OTOP1: variants seen among roughly 807,000 people sequenced by gnomAD.
OTOP1 encodes proton channel OTOP1.
In OTOP1, 59 loss-of-function variants were observed where a neutral mutation model predicts 52.9. The ratio of observed to expected loss-of-function variants is 1.12; its 90% CI spans 0.91 to 1.39. The LOEUF is 1.39. OTOP1 is among the 40% of genes most tolerant of loss of function. The pLI is 0.00. For synonymous variants in OTOP1, 317 were observed against 337.7 expected (o/e 0.94, Z 0.67); for missense variants, 761 against 800.9 (o/e 0.95, Z 0.60).
chr4:4,215,155 C>T (rs565066871), intron 1 of OTOP1, among the ~76,000 whole-genome samples: 12 of 152,172 alleles, frequency 7.9e-5, no homozygotes, highest in East Asian at 1.9e-4. Flanking sequence ...TGTTGAGCTG[C>T]GAAGGTAAAA....
At position 4,197,262 on chromosome 4, in the gene OTOP1, G is replaced by A. The variant is rs1246050405; in HGVS notation, c.1572C>T (p.Ser524=). ...AACGGGGAAGGCGGACTGGGCTTGG[G>A]CTCCCTCCCCAGCTGCTCTCCTCCT... ...EKQEESSWGG[S]PSPVRLPRFL... Residue 524 remains serine, a synonymous_variant, in exon 5 of 6, where the codon AGC becomes AGT. Coordinates refer to ENST00000296358, the MANE Select transcript of OTOP1 (RefSeq NM_177998.3). 2 of 1,614,032 alleles carry A rather than the reference G, an allele frequency of 1.2e-6. No homozygotes were observed. Among genetic ancestry groups the A allele is most frequent in the East Asian group, 2.2e-5 (1 of 44,894 alleles).
At chr4:4,201,510 A>G (rs1166379933) in intron 4 of OTOP1, among the ~76,000 whole-genome samples, 1 of 151,914 alleles carries the variant, frequency 6.6e-6, no homozygotes, top group Non-Finnish European at 1.5e-5. Flanking sequence ...ATACACACAC[A>G]CATATATAGC....
chr4:4,193,099 T>C lies in OTOP1; in HGVS notation c.1668+4067A>G, dbSNP rs1368161499. Among the ~76,000 whole-genome samples, 6 of 152,200 alleles carry C rather than the reference T, an allele frequency of 3.9e-5. No homozygotes were observed. The East Asian group carries it at 1.2e-3, about 29-fold the overall frequency. On this transcript the variant is annotated intron_variant, in intron 5 of 5. Coordinates refer to ENST00000296358, the MANE Select transcript of OTOP1 (RefSeq NM_177998.3). ...ATGTGTCAGATCCCGTCACTCTCAG[T>C]GTAGACCCTTCCATGGTTTTCTCTT... is the stretch of plus-strand genomic sequence containing the variant.
intron 5 of OTOP1, among the ~76,000 whole-genome samples, chr4:4,195,462 C>G (rs1716601618): frequency 6.6e-6 from 1 of 152,152 alleles, no homozygotes; most frequent in Non-Finnish European, 1.5e-5. Context: ...GAGGGGTGCC[C>G]ATGTGAGAGA....
intron 1 of OTOP1, among the ~76,000 whole-genome samples, chr4:4,223,199 C>T (rs1290537745): frequency 2.0e-5 from 3 of 152,214 alleles, no homozygotes; most frequent in Non-Finnish European, 4.4e-5. Flanking sequence ...CTTAGTGTCC[C>T]AAAGACACCT....
Position 4,199,209 on chromosome 4 carries a change from C to A in OTOP1, c.731-1106G>T, listed in dbSNP as rs73077833. ...GTCTCAAAATATAATTTAAAAAAAACTCAGGTAAAATTGTGTGTGTGTGTG... is the reference window on the plus strand; with the variant it reads ...GTCTCAAAATATAATTTAAAAAAAAATCAGGTAAAATTGTGTGTGTGTGTG... On this transcript the variant is annotated intron_variant, in intron 4 of 5. Coordinates refer to ENST00000296358, the MANE Select transcript of OTOP1 (RefSeq NM_177998.3). Among the ~76,000 whole-genome samples, 358 of 70,358 alleles carry A rather than the reference C, an allele frequency of 5.1e-3. 1 individual carries two copies. Among genetic ancestry groups the A allele is most frequent in the African/African-American group, 0.02 (336 of 16,490 alleles). The allele number at this position is 70,358 out of a possible 152,430, so 46.2% of individuals were successfully genotyped here. A position where few individuals can be genotyped will look rare whatever the true frequency, so the allele number is the denominator to read the frequency against.
chr4:4,210,882 G>A (rs1208042291), intron 2 of OTOP1, among the ~76,000 whole-genome samples: 3 of 152,004 alleles, frequency 2.0e-5, no homozygotes, highest in Non-Finnish European at 4.4e-5. Context: ...CCACCCTAAC[G>A]ATCTTATTTA....
chr4:4,226,065 A>C (rs1430032075), intron 1 of OTOP1, among the ~76,000 whole-genome samples: 1 of 152,230 alleles, frequency 6.6e-6, no homozygotes, highest in Non-Finnish European at 1.5e-5. Flanking sequence ...ACCCCAGCAC[A>C]GGATGAGAAC....
intron 1 of OTOP1, among the ~76,000 whole-genome samples, chr4:4,218,354 T>G (rs1717193515): frequency 6.9e-6 from 1 of 145,478 alleles, no homozygotes; most frequent in Admixed American, 6.9e-5. Context: ...ATTGCGCCAT[T>G]GCACTCCAGC....
At chr4:4,212,509 C>T (rs200551897) in intron 2 of OTOP1, among the ~76,000 whole-genome samples, 11 of 152,276 alleles carry the variant, frequency 7.2e-5, no homozygotes, top group East Asian at 3.9e-4. Context: ...GAATTGCACA[C>T]GTTAAATGGG....
chr4:4,213,057 A>T, intron 1 of OTOP1, 53 bp from the exon 2 acceptor site: 1 of 1,574,394 alleles, frequency 6.4e-7, no homozygotes, highest in Non-Finnish European at 8.7e-7. Flanking sequence ...ATTAACATAC[A>T]TTGATGTCAT....
chr4:4,223,841 C>T (rs558513376), intron 1 of OTOP1, among the ~76,000 whole-genome samples: 94 of 150,590 alleles, frequency 6.2e-4, no homozygotes, highest in African/African-American at 2.2e-3. Context: ...AAGTGGAGGT[C>T]GCAGTGACCC....
At chr4:4,203,680 G>T (rs1386783059) in intron 3 of OTOP1, among the ~76,000 whole-genome samples, 1 of 152,192 alleles carries the variant, frequency 6.6e-6, no homozygotes, top group Non-Finnish European at 1.5e-5. Context: ...TATTCACATT[G>T]GTAGCTTTCA....
intron 5 of OTOP1, among the ~76,000 whole-genome samples, chr4:4,191,064 C>T (rs1250333371): frequency 7.2e-5 from 11 of 152,166 alleles, no homozygotes; most frequent in Non-Finnish European, 2.9e-5. Flanking sequence ...ACACCTCAAA[C>T]TCAACCCACC....
At chr4:4,222,260 G>A (rs768716725) in intron 1 of OTOP1, among the ~76,000 whole-genome samples, 2 of 151,976 alleles carry the variant, frequency 1.3e-5, no homozygotes, top group African/African-American at 2.4e-5. Context: ...TACAACCTGG[G>A]GGCTGCCCCT....
intron 1 of OTOP1, among the ~76,000 whole-genome samples, chr4:4,221,977 A>T (rs772129546): frequency 6.6e-6 from 1 of 152,066 alleles, no homozygotes; most frequent in Admixed American, 6.6e-5. Context: ...CAGAACCATC[A>T]TCTTCTTCCC....
chr4:4,188,886 C>T lies in OTOP1; in HGVS notation c.1756G>A (p.Val586Met), dbSNP rs1192692527. ...IVFGFEPWII[V>M]VNLAMPFSIF... ...GAAAAAGGCATGGCCAGGTTGACCA[C>T]AATTATCCAGGGTTCAAAGCCAAAG... is the stretch of plus-strand genomic sequence containing the variant. Residue 586 changes from valine (V) to methionine (M), a missense_variant, in exon 6 of 6, where the codon GTG becomes ATG. Transcript: ENST00000296358. 4 of 1,613,802 alleles carry T rather than the reference C, an allele frequency of 2.5e-6. No homozygotes were observed. In the African/African-American group the frequency reaches 4.0e-5, roughly 16 times the overall value.
At chr4:4,199,251 A>T (rs1255392252) in intron 4 of OTOP1, among the ~76,000 whole-genome samples, 881 of 68,286 alleles carry the variant, frequency 0.013, 58 homozygotes, top group African/African-American at 0.042. Flanking sequence ...AGAGAGAGAG[A>T]GAGAGAGAGA....
At chr4:4,218,614 T>A (rs1717202264) in intron 1 of OTOP1, among the ~76,000 whole-genome samples, 1 of 152,074 alleles carries the variant, frequency 6.6e-6, no homozygotes, top group African/African-American at 2.4e-5. Context: ...ATGTTCAATA[T>A]TTTGTTTTCA....
Sources: gnomAD v4.1 joint callset for allele counts (sites outside exome capture counted in the v4.1 genomes callset) on GRCh38, gnomAD v4.1.1 for gene constraint, MANE v1.5 for transcripts, NCBI Gene and HGNC (gene_info 2026-07-23, HGNC 2026-07-21) for gene names.